The following HHAT variants were observed in gnomAD, a reference collection of about 807,000 sequenced individuals.
HHAT encodes protein-cysteine N-palmitoyltransferase HHAT.
A neutral mutation model predicts 70.8 loss-of-function variants in HHAT; 47 were observed. The observed-to-expected ratio is 0.66, with a 90% CI of 0.53 to 0.85. The LOEUF is 0.85. Among genes scored for constraint, HHAT ranks in the 40% least tolerant of loss-of-function variants. The pLI is 0.00. For missense variants in HHAT, 609 were observed against 604.8 expected, an observed-to-expected ratio of 1.01 and a Z score of -0.07; for synonymous variants, 228 against 247.6, an observed-to-expected ratio of 0.92 and a Z score of 0.74.
chr1:210,417,362 A>G (rs1015808978), intron 6 of HHAT, among the ~76,000 whole-genome samples: 2 of 152,124 alleles, frequency 1.3e-5, no homozygotes, highest in African/African-American at 4.8e-5. Flanking sequence ...CCTCCTGAGT[A>G]GCTGGGATTA....
intron 5 of HHAT, among the ~76,000 whole-genome samples, 176 bp from the exon 6 acceptor site, chr1:210,404,288 C>T (rs934736822): frequency 2.0e-5 from 3 of 152,142 alleles, no homozygotes; most frequent in Non-Finnish European, 4.4e-5. Flanking sequence ...ACCTGGTGTT[C>T]ATTGGTTCTC....
chr1:210,384,354 G>A (rs2090881214), intron 3 of HHAT, among the ~76,000 whole-genome samples: 1 of 152,194 alleles, frequency 6.6e-6, no homozygotes, highest in Non-Finnish European at 1.5e-5. Flanking sequence ...CCCTGCCTGG[G>A]AATGGTACGG....
At chr1:210,429,009 G>A (rs527789552) in intron 7 of HHAT, among the ~76,000 whole-genome samples, 1 of 151,824 alleles carries the variant, frequency 6.6e-6, no homozygotes, top group South Asian at 2.1e-4. Flanking sequence ...CCTCGCTCCG[G>A]CAAAAGACAA....
At chr1:210,329,311 GCAAAGGCGGGGATCTAGGCGCCGGGA>G in intron 1 of HHAT, 2 of 1,220,750 alleles carry the variant, frequency 1.6e-6, no homozygotes, top group African/African-American at 3.1e-5. Context: ...GTGCGCCCGG[GCAAAGGCGGGGATCTAGGCGCCGGGA>G]CAAGTCCGCG....
At chr1:210,399,836 A>C (rs2091976531) in intron 4 of HHAT, among the ~76,000 whole-genome samples, 1 of 152,238 alleles carries the variant, frequency 6.6e-6, no homozygotes, top group African/African-American at 2.4e-5. Flanking sequence ...ATGGGAATAA[A>C]TGTATCAATC....
chr1:210,411,026 C>T (rs2092534526), intron 6 of HHAT, among the ~76,000 whole-genome samples: 1 of 152,138 alleles, frequency 6.6e-6, no homozygotes, highest in Non-Finnish European at 1.5e-5. Context: ...ACAAAATGTA[C>T]CTCATGATTT....
intron 9 of HHAT, among the ~76,000 whole-genome samples, chr1:210,581,730 T>G (rs765884699): frequency 6.6e-6 from 1 of 152,232 alleles, no homozygotes; most frequent in Non-Finnish European, 1.5e-5. Context: ...TAGGAATAGG[T>G]GTCTTCCAAA....
chr1:210,399,908 C>A (rs1425760700), intron 4 of HHAT, among the ~76,000 whole-genome samples: 1 of 152,184 alleles, frequency 6.6e-6, no homozygotes, highest in East Asian at 1.9e-4. Context: ...TTTTCTATGA[C>A]ATAAATTTGA....
chr1:210,662,331 A>G (rs1005130990), intron 11 of HHAT, among the ~76,000 whole-genome samples: 1 of 149,878 alleles, frequency 6.7e-6, no homozygotes, highest in African/African-American at 2.4e-5. Context: ...TGCTTCATAA[A>G]TATGGATGTG....
At chr1:210,334,689 ATTTTTATTTTTT>A (rs1318035472) in intron 1 of HHAT, among the ~76,000 whole-genome samples, 2 of 148,960 alleles carry the variant, frequency 1.3e-5, no homozygotes, top group African/African-American at 4.9e-5. Context: ...TTTTATTTTT[ATTTTTATTTTTT>A]TTTTTGCGAA....
At chr1:210,567,253 T>A (rs1654992177) in intron 9 of HHAT, among the ~76,000 whole-genome samples, 2 of 152,190 alleles carry the variant, frequency 1.3e-5, no homozygotes, top group African/African-American at 4.8e-5. Flanking sequence ...TCTTAGACAT[T>A]TCAGATCAAA....
intron 11 of HHAT, among the ~76,000 whole-genome samples, chr1:210,637,852 C>A (rs1672167414): frequency 1.2e-5 from 1 of 82,272 alleles, no homozygotes. Context: ...GAGTGAGACT[C>A]CGTCTCAAAA....
intron 7 of HHAT, among the ~76,000 whole-genome samples, chr1:210,460,640 T>C (rs1205223812): frequency 6.6e-6 from 1 of 152,214 alleles, no homozygotes; most frequent in African/African-American, 2.4e-5. Context: ...GCTCAGTGCC[T>C]GGCAAGGAGC....
intron 1 of HHAT, chr1:210,329,456 T>A (rs571238276): frequency 1.9e-6 from 2 of 1,053,682 alleles, no homozygotes; most frequent in South Asian, 9.1e-5. Context: ...TGCGCCTGCC[T>A]GCCTGCTGTG....
intron 3 of HHAT, among the ~76,000 whole-genome samples, chr1:210,374,481 G>C (rs991507892): frequency 1.3e-5 from 2 of 152,174 alleles, no homozygotes; most frequent in South Asian, 4.1e-4. Flanking sequence ...ATGCAAATGA[G>C]ATGTTGAGTC....
Position 210,614,708 on chromosome 1 carries a change from A to G in HHAT, c.1246-8818A>G, listed in dbSNP as rs573271509. Among the ~76,000 whole-genome samples the G allele has an allele frequency of 6.8e-4, 104 of 152,284 alleles. 1 individual carries two copies. The highest frequency in any genetic ancestry group is 2.4e-3 in the African/African-American group (100 of 41,540). ...TAGTTTGCTGAGAATGATGGTTTCC[A>G]GCTTCATCCATGTCCCTACAAAGGA... On this transcript the variant is annotated intron_variant, in intron 10 of 11. Transcript: ENST00000261458.
At chr1:210,653,158 G>A (rs1675545316) in intron 11 of HHAT, among the ~76,000 whole-genome samples, 1 of 142,206 alleles carries the variant, frequency 7.0e-6, no homozygotes, top group African/African-American at 2.5e-5. Flanking sequence ...TACATACATG[G>A]GACAATTCCC....
chr1:210,361,133 G>A (rs931495893), intron 2 of HHAT, among the ~76,000 whole-genome samples: 1 of 152,216 alleles, frequency 6.6e-6, no homozygotes, highest in Admixed American at 6.5e-5. Flanking sequence ...TGTTTCTAAA[G>A]GTTGCAGTTT....
At chr1:210,400,027 T>C (rs1018707108) in intron 4 of HHAT, among the ~76,000 whole-genome samples, 1 of 152,228 alleles carries the variant, frequency 6.6e-6, no homozygotes, top group Non-Finnish European at 1.5e-5. Context: ...GTTTTCTTAA[T>C]AGGTCTTCCT....
Sources: gnomAD v4.1 joint callset for allele counts (sites outside exome capture counted in the v4.1 genomes callset) on GRCh38, gnomAD v4.1.1 for gene constraint, MANE v1.5 for transcripts, NCBI Gene and HGNC (gene_info 2026-07-23, HGNC 2026-07-21) for gene names.